The following VPS8 variants were observed in gnomAD, a reference collection of about 807,000 sequenced individuals.
VPS8 encodes vacuolar protein sorting-associated protein 8 homolog.
In VPS8, 129 loss-of-function variants were observed where a neutral mutation model predicts 216.4. The ratio of observed to expected loss-of-function variants is 0.60; its 90% CI spans 0.52 to 0.69. The LOEUF is 0.69. Ranked by LOEUF, VPS8 falls within the 30% of genes least tolerant of loss-of-function variation. The pLI is 0.00. For synonymous variants in VPS8, 571 were observed against 565.4 expected (o/e 1.01, Z -0.14); for missense variants, 1,531 against 1,683.5 (o/e 0.91, Z 1.59).
chr3:185,042,167 T>C (rs187379694), intron 46 of VPS8, among the ~76,000 whole-genome samples: 100 of 152,354 alleles, frequency 6.6e-4, no homozygotes, highest in African/African-American at 2.3e-3. Flanking sequence ...CCAGACATCA[T>C]AACACCTCCT....
chr3:184,925,460 A>G (rs971702385), intron 30 of VPS8, among the ~76,000 whole-genome samples: 21 of 152,204 alleles, frequency 1.4e-4, no homozygotes, highest in African/African-American at 5.1e-4. Flanking sequence ...AGTCTTCACA[A>G]TGGCAGACAT....
chr3:184,906,625 G>C (rs1735545899), intron 25 of VPS8, among the ~76,000 whole-genome samples: 1 of 152,232 alleles, frequency 6.6e-6, no homozygotes. Context: ...GTAGAAGGGA[G>C]ATGGGGAAAT....
chr3:184,920,206 T>C lies in VPS8; in HGVS notation c.2454+8T>C, dbSNP rs1294724603. ...GTGGATATTTTGTTGAAAGTAAGTA[T>C]TCAAAGAATACATGTCTTTATATTG... is the stretch of plus-strand genomic sequence containing the variant. On this transcript the variant is annotated splice_region_variant and intron_variant, in intron 29 of 47. Transcript: ENST00000625842. The C allele has an allele frequency of 6.6e-7, 1 of 1,504,830 alleles. No homozygotes were observed. The highest frequency in any genetic ancestry group is 2.3e-5 in the Admixed American group (1 of 44,364). The allele number at this position is 1,504,830 out of a possible 1,614,324, so 93.2% of individuals were successfully genotyped here. A position where few individuals can be genotyped will look rare whatever the true frequency, so the allele number is the denominator to read the frequency against.
At chr3:184,929,695 C>A in intron 33 of VPS8, 31 bp downstream of exon 33, 1 of 1,313,436 alleles carries the variant, frequency 7.6e-7, no homozygotes, top group Non-Finnish European at 1.0e-6. Flanking sequence ...ACTCTTTTTT[C>A]TTACTCAACT....
intron 38 of VPS8, among the ~76,000 whole-genome samples, chr3:184,965,362 T>C (rs1400171853): frequency 6.6e-6 from 1 of 152,234 alleles, no homozygotes; most frequent in Non-Finnish European, 1.5e-5. Context: ...TTTCTTGCAA[T>C]TTATTTGTTG....
chr3:184,826,358 A>G (rs917330931), intron 3 of VPS8, 127 bp downstream of exon 3: 1 of 542,786 alleles, frequency 1.8e-6, no homozygotes, highest in East Asian at 3.3e-5. Flanking sequence ...CGTGTGTGTC[A>G]GTTTAAAATT....
intron 47 of VPS8, among the ~76,000 whole-genome samples, chr3:185,051,376 T>C (rs6771523): frequency 0.47 from 71,796 of 151,860 alleles, 17,262 homozygotes; most frequent in East Asian, 0.67. Flanking sequence ...CAGCTGGGTG[T>C]CTGTTTGAGG....
intron 22 of VPS8, among the ~76,000 whole-genome samples, chr3:184,886,498 CAT>C (rs201495867): frequency 0.01 from 1,519 of 150,404 alleles, 21 homozygotes; most frequent in African/African-American, 0.027. Flanking sequence ...TATACACACA[CAT>C]ATATATATAC....
At chr3:184,835,037 C>A in intron 5 of VPS8, 1 of 225,054 alleles carries the variant, frequency 4.4e-6, no homozygotes, top group Non-Finnish European at 8.6e-6. Context: ...AATTCCTTTT[C>A]ATTTAGTTGC....
At chr3:184,852,705 G>T in intron 11 of VPS8, 138 bp downstream of exon 11, 1 of 799,140 alleles carries the variant, frequency 1.3e-6, no homozygotes, top group Non-Finnish European at 1.9e-6. Context: ...TACCTGGGAA[G>T]GCTTATATTA....
chr3:185,027,752 A>T (rs767545111), intron 46 of VPS8, among the ~76,000 whole-genome samples: 1 of 152,182 alleles, frequency 6.6e-6, no homozygotes, highest in Non-Finnish European at 1.5e-5. Context: ...GACATCTGTC[A>T]GGGATGTGAC....
At chr3:184,860,998 AT>A (rs1726268650) in intron 15 of VPS8, among the ~76,000 whole-genome samples, 2 of 151,558 alleles carry the variant, frequency 1.3e-5, no homozygotes, top group African/African-American at 4.9e-5. Context: ...AATTTTTTGT[AT>A]TTTTAGTACA....
At chr3:184,899,751 G>T (rs551714943) in intron 24 of VPS8, among the ~76,000 whole-genome samples, 1 of 152,240 alleles carries the variant, frequency 6.6e-6, no homozygotes, top group African/African-American at 2.4e-5. Context: ...TTCTAGTTTT[G>T]CTCAAAATAA....
At position 185,051,911 on chromosome 3, in the gene VPS8, C is replaced by T. The variant is rs762199049; in HGVS notation, c.4173C>T (p.Ser1391=). Residue 1391 remains serine (S), a synonymous_variant, in exon 48 of 48, where the codon AGC becomes AGT. Coordinates refer to ENST00000625842, the MANE Select transcript of VPS8 (RefSeq NM_001009921.3). ...ALLTELSQNR[S]SESYRPFSGS... ...TCACGGAACTCTCCCAGAATCGCAG[C>T]AGCGAGAGCTATAGGCCATTCAGTG... 12 of 1,610,910 alleles carry T rather than the reference C, an allele frequency of 7.4e-6. No individual in the cohort carries two copies. Among genetic ancestry groups the T allele is most frequent in the South Asian group, 6.6e-5 (6 of 90,432 alleles).
rs1427920943 is a variant in VPS8 at position 184,886,253 on chromosome 3, G to A, written c.1781+97G>A. On this transcript the variant is annotated intron_variant, in intron 22 of 47. Transcript: ENST00000625842. ...AGAATTCTATGAATTTGACTGAATA[G>A]ATTTAAAAATATTAATTTATAGAAA... 5.3e-6 allele frequency: 6 copies of A among 1,129,620 alleles called. No homozygotes were observed. In the African/African-American group the frequency reaches 9.5e-5, roughly 18 times the overall value. The allele number at this position is 1,129,620 out of a possible 1,614,324, so 70.0% of individuals were successfully genotyped here. A position where few individuals can be genotyped will look rare whatever the true frequency, so the allele number is the denominator to read the frequency against.
At chr3:185,027,316 C>G (rs1198659452) in intron 46 of VPS8, among the ~76,000 whole-genome samples, 3 of 146,200 alleles carry the variant, frequency 2.1e-5, no homozygotes, top group African/African-American at 7.7e-5. Context: ...GATCTCGGCT[C>G]ACTGCAAGCT....
At position 184,999,740 on chromosome 3, in the gene VPS8, G is replaced by T. The variant is rs1199234694; in HGVS notation, c.3881G>T (p.Cys1294Phe). 1 of 1,613,342 alleles carries T rather than the reference G, an allele frequency of 6.2e-7. No homozygotes were observed. Among genetic ancestry groups the T allele is most frequent in the Non-Finnish European group, 8.5e-7 (1 of 1,179,714 alleles). The change falls in exon 45 of 48, where the codon TGC (cysteine) becomes TTC (phenylalanine). Residue 1294 changes from cysteine to phenylalanine, a missense_variant. Transcript: ENST00000625842. ...TCATTCTGCCTACAAAACAAAGAAT[G>T]CACTGTGGAATTTGAGGGCCAAACA... The part of the protein sequence containing the change: ...YHSFCLQNKE[C>F]TVEFEGQTRW...
At chr3:185,030,980 T>C (rs1415369678) in intron 46 of VPS8, among the ~76,000 whole-genome samples, 1 of 150,720 alleles carries the variant, frequency 6.6e-6, no homozygotes, top group African/African-American at 2.4e-5. Context: ...AAGGTTTTTA[T>C]AACCAATTCT....
chr3:184,900,400 C>CT (rs1460140653), intron 24 of VPS8, among the ~76,000 whole-genome samples: 1 of 152,136 alleles, frequency 6.6e-6, no homozygotes, highest in Non-Finnish European at 1.5e-5. Context: ...TTCTTTTGGG[C>CT]TTTTTGATGC....
Sources: allele counts gnomAD v4.1 joint callset (sites outside exome capture counted in the v4.1 genomes callset), GRCh38; gene constraint gnomAD v4.1.1; transcripts MANE v1.5; gene names NCBI Gene and HGNC (gene_info 2026-07-23, HGNC 2026-07-21).